TASP1: variants seen among roughly 807,000 people sequenced by gnomAD.
The protein encoded by TASP1 is threonine aspartase 1.
Under a neutral mutation model 56.6 loss-of-function variants are expected in TASP1, and 16 were observed. The observed-to-expected ratio is 0.28, with a 90% CI of 0.19 to 0.43. The LOEUF is 0.43. TASP1 is among the 20% of genes least tolerant of loss of function. The pLI is 1.00. For synonymous variants in TASP1, 179 were observed against 184.2 expected (o/e 0.97, Z 0.23); for missense variants, 393 against 511.6 (o/e 0.77, Z 2.24).
At chr20:13,428,800 G>GTT (rs34776659) in intron 12 of TASP1, among the ~76,000 whole-genome samples, 20 of 151,982 alleles carry the variant, frequency 1.3e-4, no homozygotes, top group Admixed American at 3.9e-4. Flanking sequence ...AATATTGTTT[G>GTT]TTTTTTTGTG....
At chr20:13,375,530 G>A in the TASP1 span, among the ~76,000 whole-genome samples, 1 of 152,146 alleles carries the variant, frequency 6.6e-6, no homozygotes, top group African/African-American at 2.4e-5. Flanking sequence ...TGTGAATAGT[G>A]CTGCAATAAA....
chr20:13,160,167 CAGT>C, the TASP1 span: 1 of 1,583,362 alleles, frequency 6.3e-7, no homozygotes, highest in African/African-American at 1.3e-5. Flanking sequence ...ATCTCAGTAC[CAGT>C]ACCTTGGATT....
chr20:13,514,008 T>G (rs192971988), intron 10 of TASP1, among the ~76,000 whole-genome samples: 160 of 152,238 alleles, frequency 1.1e-3, no homozygotes, highest in Non-Finnish European at 1.7e-3. Flanking sequence ...AAGGAAAGCA[T>G]AACAGGTAGA....
intron 10 of TASP1, among the ~76,000 whole-genome samples, chr20:13,486,340 T>A (rs574962452): frequency 6.6e-5 from 10 of 152,236 alleles, no homozygotes; most frequent in African/African-American, 2.4e-4. Context: ...ATAAAAGACC[T>A]GACAAGATTC....
At chr20:13,506,323 G>A (rs2044131038) in intron 10 of TASP1, among the ~76,000 whole-genome samples, 1 of 152,238 alleles carries the variant, frequency 6.6e-6, no homozygotes, top group African/African-American at 2.4e-5. Context: ...AACATTTAAA[G>A]AACTAATAAC....
intron 3 of TASP1, among the ~76,000 whole-genome samples, chr20:13,624,010 G>A (rs1020810832): frequency 4.6e-5 from 7 of 152,062 alleles, no homozygotes; most frequent in African/African-American, 1.7e-4. Flanking sequence ...ATACTATAAT[G>A]TAAATTCTAA....
At chr20:13,110,196 T>C in the TASP1 span, 1 of 1,613,516 alleles carries the variant, frequency 6.2e-7, no homozygotes, top group African/African-American at 1.3e-5. Flanking sequence ...AAGATTCTCA[T>C]CCTGGTGGAG....
At chr20:13,395,083 T>C (rs2041472419) in intron 13 of TASP1, among the ~76,000 whole-genome samples, 1 of 152,228 alleles carries the variant, frequency 6.6e-6, no homozygotes, top group Non-Finnish European at 1.5e-5. Flanking sequence ...TGCTCTTGTA[T>C]GGTTTCTAGG....
At chr20:13,358,837 G>C in the TASP1 span, among the ~76,000 whole-genome samples, 2 of 149,538 alleles carry the variant, frequency 1.3e-5, no homozygotes, top group Non-Finnish European at 3.0e-5. Flanking sequence ...TTCACCCTTA[G>C]CGGCAAGTCC....
intron 13 of TASP1, among the ~76,000 whole-genome samples, chr20:13,406,412 CTG>C (rs2041922463): frequency 6.6e-6 from 1 of 152,168 alleles, no homozygotes; most frequent in African/African-American, 2.4e-5. Context: ...TTCATGTCCT[CTG>C]AGAATAACTA....
chr20:13,623,524 C>G lies in TASP1; in HGVS notation c.214-10G>C. On this transcript the variant is annotated splice_polypyrimidine_tract_variant and intron_variant, in intron 3 of 13. Coordinates refer to ENST00000337743, the MANE Select transcript of TASP1 (RefSeq NM_017714.3). Reference sequence around the variant, plus strand: ...GCAGCTTTTCAATTGCCTATGAAACCAAGGGGAGAGATTATTCATTGCAAA... The same window carrying G: ...GCAGCTTTTCAATTGCCTATGAAACGAAGGGGAGAGATTATTCATTGCAAA... The G allele has an allele frequency of 6.4e-7, 1 of 1,568,278 alleles. No individual in the cohort carries two copies. The highest frequency in any genetic ancestry group is 8.8e-7 in the Non-Finnish European group (1 of 1,139,770).
the TASP1 span, chr20:13,300,382 C>T: frequency 1.3e-5 from 2 of 152,018 alleles, no homozygotes; most frequent in South Asian, 2.1e-4. Flanking sequence ...ATTTTTTCAT[C>T]TACCAATATA....
At chr20:13,122,311 A>C in the TASP1 span, among the ~76,000 whole-genome samples, 2 of 152,356 alleles carry the variant, frequency 1.3e-5, no homozygotes, top group African/African-American at 2.4e-5. Context: ...TCAATCTGTG[A>C]TTTAGTACCA....
chr20:13,280,401 C>T, the TASP1 span, among the ~76,000 whole-genome samples: 7 of 146,754 alleles, frequency 4.8e-5, no homozygotes, highest in East Asian at 4.3e-4. Context: ...ACCCCCCCCC[C>T]CCAATACATT....
intron 4 of TASP1, among the ~76,000 whole-genome samples, chr20:13,621,873 C>T (rs1442525107): frequency 1.3e-5 from 2 of 152,226 alleles, no homozygotes; most frequent in South Asian, 4.1e-4. Flanking sequence ...ACCTTCTTTC[C>T]CAGACCTACA....
intron 2 of TASP1, among the ~76,000 whole-genome samples, chr20:13,629,364 CAAAAAA>C (rs1218111399): frequency 1.9e-5 from 1 of 52,018 alleles, no homozygotes. Context: ...AACTCCATCT[CAAAAAA>C]AAAAAAAAAA....
intron 8 of TASP1, among the ~76,000 whole-genome samples, chr20:13,546,933 C>T (rs2045828330): frequency 6.6e-6 from 1 of 152,148 alleles, no homozygotes; most frequent in Non-Finnish European, 1.5e-5. Flanking sequence ...ATTGTTAAAA[C>T]AAGCTTAGTT....
chr20:13,614,187 G>A (rs1217619153), intron 4 of TASP1, among the ~76,000 whole-genome samples: 1 of 152,090 alleles, frequency 6.6e-6, no homozygotes, highest in Non-Finnish European at 1.5e-5. Flanking sequence ...TAGCTATCCT[G>A]GATGTAAGTT....
the TASP1 span, among the ~76,000 whole-genome samples, chr20:13,322,427 C>T: frequency 6.6e-6 from 1 of 152,226 alleles, no homozygotes; most frequent in Non-Finnish European, 1.5e-5. Context: ...CCTGCCAACT[C>T]GCTTGCTTCA....
Sources: gnomAD v4.1 joint callset for allele counts (sites outside exome capture counted in the v4.1 genomes callset) on GRCh38, gnomAD v4.1.1 for gene constraint, MANE v1.5 for transcripts, NCBI Gene and HGNC (gene_info 2026-07-23, HGNC 2026-07-21) for gene names.